The following PARG variants were observed in gnomAD, a reference collection of about 807,000 sequenced individuals.
The protein encoded by PARG is mitochondrial poly(ADP-ribose) glycohydrolase.
A neutral mutation model predicts 113.0 loss-of-function variants in PARG; 35 were observed. The ratio of observed to expected loss-of-function variants is 0.31; its 90% CI spans 0.24 to 0.41. PARG has a LOEUF of 0.41. Among genes scored for constraint, PARG ranks in the 10% least tolerant of loss-of-function variants. The pLI, the probability that PARG is intolerant of heterozygous loss-of-function variation, is 1.00. For synonymous variants in PARG, 330 were observed against 409.9 expected (o/e 0.81, Z 2.36); for missense variants, 797 against 1,169.4 (o/e 0.68, Z 4.64).
chr10:49,941,520 G>A lies in PARG; in HGVS notation c.206C>T (p.Ala69Val). Reference protein sequence around the residue: ...PGRAGQHRGSATSLVFKQKTI... With the variant: ...PGRAGQHRGSVTSLVFKQKTI... ...ATTTTCCCACGTACCAAGCGAGGTG[G>A]CGCTGCCTCTGTGCTGTCCCGCCCG... Residue 69 changes from alanine to valine, a missense_variant, in exon 1 of 18, where the codon GCC (alanine) becomes GTC (valine). Around this residue, in one of 5 missense-constraint regions of PARG, gnomAD observed 284 missense variants for 306.1 expected, o/e 0.93. Coordinates refer to ENST00000616448, the MANE Select transcript of PARG (RefSeq NM_003631.5). 6.4e-7 allele frequency: 1 copy of A among 1,552,744 alleles called. No homozygotes were observed. Among genetic ancestry groups the A allele is most frequent in the East Asian group, 2.4e-5 (1 of 41,172 alleles).
Position 49,935,164 on chromosome 10 carries a change from C to T in PARG, c.218-22G>A, listed in dbSNP as rs1450618129. The T allele has an allele frequency of 1.3e-3, 941 of 710,650 alleles. 8 individuals are homozygous for T. In the East Asian group the frequency reaches 0.021, roughly 16 times the overall value. 44.0% of individuals were successfully genotyped at this position (710,650 alleles called of 1,614,324 possible). ...AAAACTATAAAAAAAAATGTATATT[C>T]ATACATTCCTTCAAATATAAAACAT... On this transcript the variant is annotated intron_variant, in intron 1 of 17. Transcript: ENST00000616448.
intron 7 of PARG, among the ~76,000 whole-genome samples, chr10:49,887,436 T>C (rs528549716): frequency 4.3e-4 from 65 of 152,264 alleles, no homozygotes; most frequent in African/African-American, 1.5e-3. Context: ...AAAGATCTCA[T>C]GCTACCCATT....
At chr10:49,867,977 C>CA (rs1330173968) in intron 10 of PARG, among the ~76,000 whole-genome samples, 6 of 151,910 alleles carry the variant, frequency 3.9e-5, no homozygotes, top group Admixed American at 2.0e-4. Flanking sequence ...CTAGAATAGC[C>CA]AAAAAAAGCA....
At chr10:49,937,438 T>C (rs1463691468) in intron 1 of PARG, among the ~76,000 whole-genome samples, 1 of 150,058 alleles carries the variant, frequency 6.7e-6, no homozygotes. Context: ...ATCGCGCCAC[T>C]GCACTCCAGC....
rs1846299665 is a variant in PARG at position 49,862,454 on chromosome 10, T to C, written c.2130-791A>G. On this transcript the variant is annotated intron_variant, in intron 11 of 17. Transcript: ENST00000616448. ...AGATGATTATATTTTTAGAAAATAG[T>C]CTAGGAGGTTAGCTGGAAAAATACT... Among the ~76,000 whole-genome samples, 18 of 152,074 alleles carry C rather than the reference T, an allele frequency of 1.2e-4. No homozygotes were observed. In the South Asian group the frequency reaches 3.7e-3, roughly 32 times the overall value.
chr10:49,826,421 G>C (rs140135192), intron 16 of PARG, among the ~76,000 whole-genome samples: 3 of 152,154 alleles, frequency 2.0e-5, no homozygotes, highest in Admixed American at 6.5e-5. Flanking sequence ...ATAAAACTCA[G>C]TCAAAGGGCT....
chr10:49,885,643 A>C (rs1435604553), intron 7 of PARG, among the ~76,000 whole-genome samples: 1 of 152,248 alleles, frequency 6.6e-6, no homozygotes, highest in Non-Finnish European at 1.5e-5. Context: ...GGTTGTATCA[A>C]CTAGAAACTG....
chr10:49,860,123 G>A (rs1273483717), intron 12 of PARG, among the ~76,000 whole-genome samples: 1 of 152,190 alleles, frequency 6.6e-6, no homozygotes, highest in East Asian at 1.9e-4. Context: ...GATCTCCTGC[G>A]GAGACATGGC....
chr10:49,922,256 T>G, intron 6 of PARG, 80 bp downstream of exon 6: 2 of 1,434,800 alleles, frequency 1.4e-6, no homozygotes, highest in Non-Finnish European at 1.9e-6. Context: ...TGTTGCTACC[T>G]GAGTCTATTA....
intron 13 of PARG, 121 bp from the exon 14 acceptor site, chr10:49,843,753 A>G: frequency 1.5e-6 from 1 of 646,570 alleles, no homozygotes; most frequent in Non-Finnish European, 2.8e-6. Flanking sequence ...CAGCCAGTGC[A>G]ATAAGGCAAG....
At chr10:49,824,860 T>C (rs1175813744) in intron 16 of PARG, among the ~76,000 whole-genome samples, 2 of 152,208 alleles carry the variant, frequency 1.3e-5, no homozygotes, top group Non-Finnish European at 2.9e-5. Flanking sequence ...TGGAGCTGAC[T>C]GGGCCACCAA....
At chr10:49,825,950 TTTCA>T (rs1202609955) in intron 16 of PARG, among the ~76,000 whole-genome samples, 1 of 152,160 alleles carries the variant, frequency 6.6e-6, no homozygotes, top group Non-Finnish European at 1.5e-5. Flanking sequence ...TGGTTTTGGA[TTTCA>T]TTGTTTTTTT....
intron 6 of PARG, among the ~76,000 whole-genome samples, chr10:49,916,836 A>G (rs1221894957): frequency 5.3e-5 from 8 of 152,242 alleles, no homozygotes; most frequent in Non-Finnish European, 1.0e-4. Context: ...GACTATTTAT[A>G]TTGGTAACAC....
intron 1 of PARG, among the ~76,000 whole-genome samples, chr10:49,940,454 C>CTCATCT: frequency 6.8e-6 from 1 of 146,110 alleles, no homozygotes; most frequent in African/African-American, 2.6e-5. Flanking sequence ...CACCCTGCAG[C>CTCATCT]CTCATCTCTC....
At chr10:49,892,127 A>T (rs1290978268) in intron 7 of PARG, among the ~76,000 whole-genome samples, 1 of 152,028 alleles carries the variant, frequency 6.6e-6, no homozygotes, top group African/African-American at 2.4e-5. Flanking sequence ...CTTTTTCCTC[A>T]TACATAGGTG....
chr10:49,841,009 T>C (rs1022987657), intron 15 of PARG, among the ~76,000 whole-genome samples: 1 of 152,210 alleles, frequency 6.6e-6, no homozygotes, highest in African/African-American at 2.4e-5. Context: ...CCCAATACTT[T>C]GGGAGGCTGT....
chr10:49,941,151 G>T (rs1455344545), intron 1 of PARG, among the ~76,000 whole-genome samples: 24 of 152,190 alleles, frequency 1.6e-4, no homozygotes, highest in African/African-American at 4.1e-4. Context: ...CTGAACAAGT[G>T]AAGTTGTTTT....
chr10:49,890,206 T>C (rs1554841211), intron 7 of PARG, among the ~76,000 whole-genome samples: 1 of 152,194 alleles, frequency 6.6e-6, no homozygotes. Context: ...AACCCTGCCC[T>C]CTACTGGATA....
chr10:49,935,999 TAGGGAGG>T, intron 1 of PARG, among the ~76,000 whole-genome samples: 1 of 152,054 alleles, frequency 6.6e-6, no homozygotes, highest in Non-Finnish European at 1.5e-5. Context: ...TGCCAGAAAC[TAGGGAGG>T]AAGCTACTAG....
Sources: allele counts gnomAD v4.1 joint callset (sites outside exome capture counted in the v4.1 genomes callset), GRCh38; gene constraint gnomAD v4.1.1; regional missense constraint gnomAD v4.1.1; transcripts MANE v1.5; gene names NCBI Gene and HGNC (gene_info 2026-07-23, HGNC 2026-07-21).